Variants in DCHS2 observed in about 807,000 individuals in gnomAD.
DCHS2 encodes protocadherin-23.
DCHS2 carries 142 observed loss-of-function variants against 182.4 expected under a neutral mutation model. That is an observed-to-expected ratio of 0.78 (90% CI 0.68 to 0.89). The LOEUF is 0.89. Among genes scored for constraint, DCHS2 ranks in the 40% least tolerant of loss-of-function variants. The pLI, the probability that DCHS2 is intolerant of heterozygous loss-of-function variation, is 0.00. For missense variants in DCHS2, 4,319 were observed against 4,198.6 expected (o/e 1.03, Z -0.79); for synonymous variants, 1,740 against 1,663.3 (o/e 1.05, Z -1.12).
At position 154,409,378 on chromosome 4, in the gene DCHS2, G is replaced by A. The variant is rs368934852; in HGVS notation, c.2053-31934C>T. On this transcript the variant is annotated intron_variant, in intron 1 of 19. Coordinates refer to ENST00000357232, the MANE Select transcript of DCHS2 (RefSeq NM_001358235.2). Reference sequence around the variant, plus strand: ...CAGTGTCTTATCTTCTGGGGCCTGAGTTTCCACTGTGCCTTATTGGTTCTG... The same window carrying A: ...CAGTGTCTTATCTTCTGGGGCCTGAATTTCCACTGTGCCTTATTGGTTCTG... Among the ~76,000 whole-genome samples the A allele has an allele frequency of 2.0e-5, 3 of 152,236 alleles. No individual in the cohort carries two copies. The South Asian group carries it at 6.2e-4, about 32-fold the overall frequency.
chr4:154,295,729 C>T lies in DCHS2; in HGVS notation c.6463+2122G>A, dbSNP rs557272094. On this transcript the variant is annotated intron_variant, in intron 13 of 19. Transcript: ENST00000357232. ...GTATCCTCTTAAAACTTAATCTTTA[C>T]AGTATCCCTGTGAGGAAGTCATCAA... 2.0e-5 allele frequency among the ~76,000 whole-genome samples: 3 copies of T among 152,294 alleles called. No homozygotes were observed. In the South Asian group the frequency reaches 6.2e-4, roughly 32 times the overall value.
At chr4:154,343,174 T>C (rs925732704) in intron 3 of DCHS2, among the ~76,000 whole-genome samples, 2 of 152,150 alleles carry the variant, frequency 1.3e-5, no homozygotes, top group African/African-American at 4.8e-5. Flanking sequence ...ATGATATCTG[T>C]AAACAGATAA....
chr4:154,364,586 T>G (rs1319506092), intron 3 of DCHS2, among the ~76,000 whole-genome samples: 3 of 152,220 alleles, frequency 2.0e-5, no homozygotes, highest in Non-Finnish European at 4.4e-5. Context: ...AGGAAAGTTT[T>G]GCCTTACAAA....
chr4:154,288,927 G>C (rs540792687), intron 13 of DCHS2, among the ~76,000 whole-genome samples: 1 of 152,102 alleles, frequency 6.6e-6, no homozygotes, highest in East Asian at 1.9e-4. Flanking sequence ...AGCAAAAGCA[G>C]TACAAAGAGT....
At position 154,315,743 on chromosome 4, in the gene DCHS2, A is replaced by G. The variant is rs762016515; in HGVS notation, c.5260+5T>C. The G allele has an allele frequency of 6.2e-6, 10 of 1,610,744 alleles. No homozygotes were observed. The highest frequency in any genetic ancestry group is 7.6e-6 in the Non-Finnish European group (9 of 1,178,510). On this transcript the variant is annotated splice_donor_5th_base_variant and intron_variant, in intron 10 of 19. Transcript: ENST00000357232. The stretch of plus-strand genomic sequence containing the variant: ...AAATACCCAGTTTCTGTATTTCTAA[A>G]TTACCTGAATCTCTGTCCAGAGCTT...
chr4:154,414,097 A>G (rs2110897711), intron 1 of DCHS2, among the ~76,000 whole-genome samples: 1 of 151,966 alleles, frequency 6.6e-6, no homozygotes, highest in East Asian at 1.9e-4. Context: ...ATTCACCACT[A>G]TCTCCTCAGC....
At chr4:154,485,036 C>A (rs1442021461) in intron 1 of DCHS2, among the ~76,000 whole-genome samples, 3 of 152,178 alleles carry the variant, frequency 2.0e-5, no homozygotes, top group Non-Finnish European at 2.9e-5. Flanking sequence ...CTATAAAGCT[C>A]TACAAACCAC....
chr4:154,478,853 C>T (rs1416787228), intron 1 of DCHS2, among the ~76,000 whole-genome samples: 4 of 152,176 alleles, frequency 2.6e-5, no homozygotes, highest in Non-Finnish European at 5.9e-5. Context: ...AAAACAAAAA[C>T]ATCAACATTA....
Position 154,249,438 on chromosome 4 carries a change from G to A in DCHS2, c.6941+6081C>T, listed in dbSNP as rs72721381. 1.7e-3 allele frequency among the ~76,000 whole-genome samples: 254 copies of A among 152,238 alleles called. 1 individual carries two copies. The highest frequency in any genetic ancestry group is 2.8e-3 in the Non-Finnish European group (192 of 67,994). On this transcript the variant is annotated intron_variant, in intron 16 of 19. Transcript: ENST00000357232. ...TCAAAAAACAAAGATGCTAGTGAGA[G>A]TGTGAAGAAAAGGGAACATTAATAC...
intron 16 of DCHS2, among the ~76,000 whole-genome samples, chr4:154,245,511 A>G (rs893394237): frequency 2.0e-5 from 3 of 152,108 alleles, no homozygotes; most frequent in Admixed American, 6.6e-5. Flanking sequence ...ACTCTCAATT[A>G]TATCTTAAAC....
Position 154,334,874 on chromosome 4 carries a change from G to A in DCHS2, c.2707C>T (p.Pro903Ser). The A allele has an allele frequency of 6.2e-7, 1 of 1,609,336 alleles. No individual in the cohort carries two copies. The highest frequency in any genetic ancestry group is 2.2e-5 in the East Asian group (1 of 44,854). The change falls in exon 4 of 20, where the codon CCC (proline) becomes TCC (serine). Residue 903 changes from proline (P) to serine (S), a missense_variant. Physicochemically the swap from Pro to Ser is moderately conservative, Grantham distance 74. Transcript: ENST00000357232. ...ATAAGAAATAAGTACTTACTCAAGG[G>A]CTCTCTTGCTTTCACTGTTCCAATG... ...SPIGTVKARE[P>S]LNSSEPIFYR...
intron 10 of DCHS2, among the ~76,000 whole-genome samples, chr4:154,306,472 ATT>A: frequency 6.6e-6 from 1 of 152,190 alleles, no homozygotes; most frequent in Non-Finnish European, 1.5e-5. Context: ...GGTTGTTAAA[ATT>A]TGTTATTCCT....
intron 1 of DCHS2, among the ~76,000 whole-genome samples, chr4:154,431,406 T>C (rs1733553767): frequency 6.6e-6 from 1 of 152,118 alleles, no homozygotes; most frequent in South Asian, 2.1e-4. Flanking sequence ...CACTAACATA[T>C]ACTTTTCTCT....
chr4:154,490,211 A>T lies in DCHS2; in HGVS notation c.1145T>A (p.Val382Glu), dbSNP rs1279236741. ...DREAQAWHQL[V>E]VEARDGGAEP... ...GGCGCCTCCATCGCGGGCCTCCACC[A>T]CCAACTGGTGCCAGGCCTGTGCCTC... is the stretch of plus-strand genomic sequence containing the variant. Residue 382 changes from valine (V) to glutamate (E), a missense_variant, in exon 1 of 20, where the codon GTG becomes GAG. By Grantham distance (121) the Val-to-Glu change is moderately radical. Coordinates refer to ENST00000357232, the MANE Select transcript of DCHS2 (RefSeq NM_001358235.2). 1 of 1,549,462 alleles carries T rather than the reference A, an allele frequency of 6.5e-7. No homozygotes were observed. Among genetic ancestry groups the T allele is most frequent in the Admixed American group, 2.0e-5 (1 of 50,988 alleles).
chr4:154,469,180 G>A (rs1314474325), intron 1 of DCHS2, among the ~76,000 whole-genome samples: 1 of 151,340 alleles, frequency 6.6e-6, no homozygotes, highest in Admixed American at 6.6e-5. Context: ...TTGGGGTCAA[G>A]GGAGGCTGGT....
intron 1 of DCHS2, among the ~76,000 whole-genome samples, chr4:154,434,337 G>C (rs370439903): frequency 6.6e-6 from 1 of 152,294 alleles, no homozygotes; most frequent in East Asian, 1.9e-4. Context: ...TGGGAGGATC[G>C]CTTGAGCCTG....
Position 154,320,833 on chromosome 4 carries a change from A to G in DCHS2, c.4566T>C (p.Asn1522=). ...DELIVISVEE[N]VPIGTLVYVF... is the part of the protein sequence containing the mutation. Reference sequence around the variant, plus strand: ...CATACACCAGGGTTCCTATGGGAACATTCTCCTCTACACTGATCACAATGA... The same window carrying G: ...CATACACCAGGGTTCCTATGGGAACGTTCTCCTCTACACTGATCACAATGA... The change falls in exon 9 of 20, where the codon AAT becomes AAC. Residue 1522 remains asparagine, a synonymous_variant. Coordinates refer to ENST00000357232, the MANE Select transcript of DCHS2 (RefSeq NM_001358235.2). 6.2e-7 allele frequency: 1 copy of G among 1,614,136 alleles called. No individual in the cohort carries two copies. The highest frequency in any genetic ancestry group is 8.5e-7 in the Non-Finnish European group (1 of 1,179,984).
At chr4:154,411,288 T>C (rs1199111437) in intron 1 of DCHS2, among the ~76,000 whole-genome samples, 1 of 151,890 alleles carries the variant, frequency 6.6e-6, no homozygotes, top group Non-Finnish European at 1.5e-5. Flanking sequence ...GAATACAAAG[T>C]AGCAAATAAA....
At chr4:154,286,636 G>A (rs1734412339) in intron 13 of DCHS2, among the ~76,000 whole-genome samples, 1 of 151,872 alleles carries the variant, frequency 6.6e-6, no homozygotes, top group African/African-American at 2.4e-5. Flanking sequence ...TGAGCTTGAA[G>A]GCAGGCTATT....
Sources: allele counts gnomAD v4.1 joint callset (sites outside exome capture counted in the v4.1 genomes callset), GRCh38; gene constraint gnomAD v4.1.1; transcripts MANE v1.5; gene names NCBI Gene and HGNC (gene_info 2026-07-23, HGNC 2026-07-21).